Variants in TRAPPC8 observed in about 807,000 individuals in gnomAD.
TRAPPC8 encodes the protein trafficking protein particle complex subunit 8.
In TRAPPC8, 54 loss-of-function variants were observed where a neutral mutation model predicts 174.3. That is an observed-to-expected ratio of 0.31 (90% CI 0.25 to 0.39). The LOEUF (loss-of-function observed/expected upper bound fraction) is 0.39. Ranked by LOEUF, TRAPPC8 falls within the 10% of genes least tolerant of loss-of-function variation. TRAPPC8 has a pLI of 1.00. For synonymous variants in TRAPPC8, 630 were observed against 579.9 expected, an observed-to-expected ratio of 1.09 and a Z score of -1.24; for missense variants, 1,531 against 1,699.1, an observed-to-expected ratio of 0.90 and a Z score of 1.74.
intron 9 of TRAPPC8, among the ~76,000 whole-genome samples, chr18:31,902,621 A>G (rs181402239): frequency 3.9e-5 from 6 of 152,266 alleles, no homozygotes; most frequent in African/African-American, 1.2e-4. Context: ...TGTTATAGAG[A>G]CAAAGGGAAA....
chr18:31,942,057 C>T (rs896660856), intron 1 of TRAPPC8, among the ~76,000 whole-genome samples: 1 of 152,166 alleles, frequency 6.6e-6, no homozygotes, highest in Non-Finnish European at 1.5e-5. Flanking sequence ...TTTTAATTTT[C>T]TTGAGAGGTT....
At position 31,857,629 on chromosome 18, in the gene TRAPPC8, T is replaced by C. The variant is rs2034092437; in HGVS notation, c.3099A>G (p.Pro1033=). ...CTTCATCAGGCCCACGTAACCACATTGGCAGCTGCACTGAGGCTCCGGGTA... is the reference window on the plus strand; with the variant it reads ...CTTCATCAGGCCCACGTAACCACATCGGCAGCTGCACTGAGGCTCCGGGTA... ...VLLPGASVQL[P]MWLRGPDEEG... Residue 1033 remains proline (P), a synonymous_variant, in exon 20 of 29, where the codon CCA becomes CCG. Coordinates refer to ENST00000283351, the MANE Select transcript of TRAPPC8 (RefSeq NM_014939.5). The C allele has an allele frequency of 6.2e-7, 1 of 1,614,048 alleles. No homozygotes were observed.
intron 19 of TRAPPC8, among the ~76,000 whole-genome samples, chr18:31,861,270 A>G (rs1184810292): frequency 6.6e-6 from 1 of 152,212 alleles, no homozygotes; most frequent in Non-Finnish European, 1.5e-5. Flanking sequence ...TATGTAGAAT[A>G]AGAGGCCCTC....
At chr18:31,877,610 C>CAAAAA (rs1161138155) in intron 12 of TRAPPC8, among the ~76,000 whole-genome samples, 1 of 77,144 alleles carries the variant, frequency 1.3e-5, no homozygotes, top group Non-Finnish European at 2.3e-5. Context: ...GACTCCGTCT[C>CAAAAA]AAAAAAAAAA....
intron 27 of TRAPPC8, among the ~76,000 whole-genome samples, chr18:31,837,692 T>A (rs2032834637): frequency 6.6e-6 from 1 of 151,880 alleles, no homozygotes; most frequent in African/African-American, 2.4e-5. Context: ...TGTGTGACTC[T>A]GTCTCAGAAA....
chr18:31,891,009 A>G lies in TRAPPC8; in HGVS notation c.1597-143T>C, dbSNP rs1243934781. 5 of 602,354 alleles carry G rather than the reference A, an allele frequency of 8.3e-6. No homozygotes were observed. The African/African-American group carries it at 9.7e-5, about 12-fold the overall frequency. 37.3% of individuals were successfully genotyped at this position (602,354 alleles called of 1,614,324 possible). ...GTATATGAGGGCAAAGATCAAGGGG[A>G]AAACCAATCTTGATTTTTCCAATAA... On this transcript the variant is annotated intron_variant, in intron 11 of 28. Coordinates refer to ENST00000283351, the MANE Select transcript of TRAPPC8 (RefSeq NM_014939.5).
At position 31,931,470 on chromosome 18, in the gene TRAPPC8, C is replaced by A; in HGVS notation, c.211G>T (p.Ala71Ser). Residue 71 changes from alanine (A) to serine (S), a missense_variant, in exon 2 of 29, where the codon GCA becomes TCA. By Grantham distance (99) the Ala-to-Ser change is moderately conservative. Transcript: ENST00000283351. ...QLHVIKNLKI[A>S]VSNIVTQPPQ... ...GGCTGGGTGACAATGTTGCTTACTG[C>A]TATCTTCAAATTTTTAATTACGTGA... 1 of 1,608,406 alleles carries A rather than the reference C, an allele frequency of 6.2e-7. No homozygotes were observed. The highest frequency in any genetic ancestry group is 8.5e-7 in the Non-Finnish European group (1 of 1,178,028).
chr18:31,876,067 T>C (rs575700331), intron 12 of TRAPPC8, among the ~76,000 whole-genome samples: 1 of 152,330 alleles, frequency 6.6e-6, no homozygotes, highest in Non-Finnish European at 1.5e-5. Flanking sequence ...GGTTCTAAGG[T>C]GATGGATATC....
chr18:31,864,555 TA>T lies in TRAPPC8; in HGVS notation c.2745+71del, dbSNP rs537089175. 245 of 1,491,740 alleles carry T rather than the reference TA, an allele frequency of 1.6e-4. 1 individual carries two copies. In the South Asian group the frequency reaches 2.8e-3, roughly 17 times the overall value. 92.4% of individuals were successfully genotyped at this position (1,491,740 alleles called of 1,614,324 possible). On this transcript the variant is annotated intron_variant, in intron 19 of 28. Transcript: ENST00000283351. Reference sequence around the variant, plus strand: ...ATGTAATATCAAAAACCTCAGAGCCTAAAATTAATTTACTCAGAATATTTGC... The same window carrying T: ...ATGTAATATCAAAAACCTCAGAGCCTAAATTAATTTACTCAGAATATTTGC...
Position 31,909,729 on chromosome 18 carries a change from G to A in TRAPPC8, c.803C>T (p.Thr268Ile). Residue 268 changes from threonine to isoleucine, a missense_variant, in exon 6 of 29, where the codon ACT (threonine) becomes ATT (isoleucine). Physicochemically the swap from Thr to Ile is moderately conservative, Grantham distance 89. Coordinates refer to ENST00000283351, the MANE Select transcript of TRAPPC8 (RefSeq NM_014939.5). Reference protein sequence around the residue: ...ESYEDGPCTITSNKNSDNNLL... With the variant: ...ESYEDGPCTIISNKNSDNNLL... ...GTTATTATCAGAATTCTTATTTGAA[G>A]TTATAGTACAAGGGCCATCTTCATA... 2 of 1,601,250 alleles carry A rather than the reference G, an allele frequency of 1.2e-6. No homozygotes were observed. The highest frequency in any genetic ancestry group is 1.7e-6 in the Non-Finnish European group (2 of 1,176,198).
chr18:31,914,697 TA>T (rs1395117303), intron 4 of TRAPPC8, among the ~76,000 whole-genome samples: 2 of 152,216 alleles, frequency 1.3e-5, no homozygotes, highest in Non-Finnish European at 2.9e-5. Context: ...TCAGTGGCAC[TA>T]AGGCATCAGA....
chr18:31,897,763 CA>C, intron 11 of TRAPPC8, 22 bp downstream of exon 11: 1 of 1,476,704 alleles, frequency 6.8e-7, no homozygotes, highest in Non-Finnish European at 9.1e-7. Context: ...CTAATTAAAG[CA>C]AATACTACAC....
chr18:31,941,089 TAAGA>T (rs879773950), intron 1 of TRAPPC8, among the ~76,000 whole-genome samples: 11 of 152,196 alleles, frequency 7.2e-5, no homozygotes, highest in African/African-American at 1.4e-4. Flanking sequence ...TATTATTTAT[TAAGA>T]AAGAAGGAAA....
chr18:31,936,252 AGT>A (rs1831732097), intron 1 of TRAPPC8, among the ~76,000 whole-genome samples: 1 of 151,484 alleles, frequency 6.6e-6, no homozygotes, highest in South Asian at 2.1e-4. Context: ...TGAGTCCAAG[AGT>A]TCAAGAACAG....
chr18:31,928,038 C>A (rs1389295032), intron 2 of TRAPPC8, among the ~76,000 whole-genome samples: 1 of 151,306 alleles, frequency 6.6e-6, no homozygotes, highest in African/African-American at 2.4e-5. Flanking sequence ...CACCTGTAGT[C>A]CCAGAAACTC....
In TRAPPC8 at chr18:31,874,772, A is replaced by C. The variant is rs1048909989; in HGVS notation, c.1729-68T>G. The C allele has an allele frequency of 3.0e-6, 4 of 1,326,322 alleles. No individual in the cohort carries two copies. In the African/African-American group the frequency reaches 5.9e-5, roughly 19 times the overall value. The allele number at this position is 1,326,322 out of a possible 1,614,324, so 82.2% of individuals were successfully genotyped here. ...GTTTGAACTAGAAAAAACAAATACA[A>C]ACACACACATAGAAACAATTAAGTA... On this transcript the variant is annotated intron_variant, in intron 12 of 28. Transcript: ENST00000283351.
At chr18:31,930,425 G>C (rs2037800347) in intron 2 of TRAPPC8, among the ~76,000 whole-genome samples, 1 of 152,124 alleles carries the variant, frequency 6.6e-6, no homozygotes, top group South Asian at 2.1e-4. Context: ...TGGCTGCTTA[G>C]GAAAATCTTT....
At chr18:31,838,710 T>C (rs1265673394) in intron 27 of TRAPPC8, among the ~76,000 whole-genome samples, 1 of 152,248 alleles carries the variant, frequency 6.6e-6, no homozygotes, top group Non-Finnish European at 1.5e-5. Context: ...GACCTTTCTG[T>C]AGCATCTTAA....
rs2036715118 is a variant in TRAPPC8 at position 31,907,518 on chromosome 18, T to C, written c.1331A>G (p.His444Arg). 1 of 1,609,594 alleles carries C rather than the reference T, an allele frequency of 6.2e-7. No homozygotes were observed. Among genetic ancestry groups the C allele is most frequent in the Non-Finnish European group, 8.5e-7 (1 of 1,177,334 alleles). The change falls in exon 9 of 29, where the codon CAT becomes CGT. Residue 444 changes from histidine (H) to arginine (R), a missense_variant. His to Arg is a conservative substitution (Grantham distance 29). Transcript: ENST00000283351. ...ATTAAGAAAATCTTTCTTTGCAGTA[T>C]GATAGCAACTGTAAGCCAAATCATA... ...QHYDLAYSCY[H>R]TAKKDFLNDQ...
Sources: gnomAD v4.1 joint callset for allele counts (sites outside exome capture counted in the v4.1 genomes callset) on GRCh38, gnomAD v4.1.1 for gene constraint, MANE v1.5 for transcripts, NCBI Gene and HGNC (gene_info 2026-07-23, HGNC 2026-07-21) for gene names.